NDUFAF2: variants seen among roughly 807,000 people sequenced by gnomAD.
NDUFAF2 encodes the protein NADH:ubiquinone oxidoreductase complex assembly factor 2.
A neutral mutation model predicts 22.8 loss-of-function variants in NDUFAF2; 13 were observed. The ratio of observed to expected loss-of-function variants is 0.57; its 90% CI spans 0.37 to 0.91. The LOEUF (loss-of-function observed/expected upper bound fraction) is 0.91. Ranked by LOEUF, NDUFAF2 falls within the 40% of genes least tolerant of loss-of-function variation. The probability of loss-of-function intolerance (pLI) is 0.01; values close to 1 mark genes in which losing one functional copy is unlikely to be tolerated. For missense variants in NDUFAF2, 162 were observed against 195.2 expected (o/e 0.83, Z 1.01); for synonymous variants, 53 against 64.2 (o/e 0.83, Z 0.84).
intron 1 of NDUFAF2, among the ~76,000 whole-genome samples, chr5:61,017,195 A>G (rs762009292): frequency 6.6e-6 from 1 of 152,240 alleles, no homozygotes; most frequent in Non-Finnish European, 1.5e-5. Context: ...TCCTAATAAG[A>G]TGATTTTGGA....
intron 3 of NDUFAF2, among the ~76,000 whole-genome samples, chr5:61,135,633 A>G (rs1427087570): frequency 1.3e-5 from 2 of 152,148 alleles, no homozygotes; most frequent in South Asian, 2.1e-4. Context: ...GAGCCCATCA[A>G]TCTGTGTTTT....
At chr5:61,008,610 G>A (rs527681175) in intron 1 of NDUFAF2, among the ~76,000 whole-genome samples, 1 of 152,194 alleles carries the variant, frequency 6.6e-6, no homozygotes, top group East Asian at 1.9e-4. Flanking sequence ...TGCATTGTGA[G>A]TAGTAAATGA....
chr5:61,138,962 G>A (rs970694216), intron 3 of NDUFAF2, among the ~76,000 whole-genome samples: 3 of 152,102 alleles, frequency 2.0e-5, no homozygotes, highest in African/African-American at 7.2e-5. Flanking sequence ...TGGAGCTTGG[G>A]GAGCAGTCAG....
At chr5:61,069,869 A>C (rs1464832866) in intron 1 of NDUFAF2, among the ~76,000 whole-genome samples, 1 of 152,136 alleles carries the variant, frequency 6.6e-6, no homozygotes, top group African/African-American at 2.4e-5. Context: ...CTCCTAAGGC[A>C]ATTAGCTCAA....
chr5:61,127,330 C>CA (rs897725115), intron 3 of NDUFAF2, among the ~76,000 whole-genome samples: 9 of 151,822 alleles, frequency 5.9e-5, no homozygotes, highest in African/African-American at 2.2e-4. Context: ...AGAGACAAAA[C>CA]AAAAAAAGAC....
At chr5:61,094,437 A>G (rs944752097) in intron 2 of NDUFAF2, among the ~76,000 whole-genome samples, 1 of 152,190 alleles carries the variant, frequency 6.6e-6, no homozygotes, top group East Asian at 1.9e-4. Flanking sequence ...AACATGCTCC[A>G]TTAGCTCAGT....
intron 1 of NDUFAF2, among the ~76,000 whole-genome samples, chr5:61,049,253 A>T (rs1250681235): frequency 6.6e-6 from 1 of 152,124 alleles, no homozygotes; most frequent in Non-Finnish European, 1.5e-5. Context: ...CTTACTTGGT[A>T]CAAAGAGTTT....
chr5:61,114,867 T>C (rs1056374346), intron 3 of NDUFAF2: 2 of 152,246 alleles, frequency 1.3e-5, no homozygotes, highest in African/African-American at 4.8e-5. Context: ...CAAAGGCTCT[T>C]GTTGTCTTCC....
intron 2 of NDUFAF2, among the ~76,000 whole-genome samples, chr5:61,081,262 A>G (rs1752438775): frequency 6.6e-6 from 1 of 152,162 alleles, no homozygotes; most frequent in Non-Finnish European, 1.5e-5. Context: ...TGAGTCTGCC[A>G]ACTTCTTTCC....
At chr5:60,988,517 G>A (rs767443572) in intron 1 of NDUFAF2, among the ~76,000 whole-genome samples, 1 of 152,050 alleles carries the variant, frequency 6.6e-6, no homozygotes, top group African/African-American at 2.4e-5. Flanking sequence ...AATGTTACCC[G>A]ACTTCAAACT....
At chr5:60,961,588 C>G (rs1267440635) in intron 1 of NDUFAF2, among the ~76,000 whole-genome samples, 1 of 124,590 alleles carries the variant, frequency 8.0e-6, no homozygotes, top group Non-Finnish European at 1.6e-5. Flanking sequence ...GAGCAAGACT[C>G]TGTCTCAAAA....
intron 1 of NDUFAF2, among the ~76,000 whole-genome samples, chr5:61,040,614 AGAG>A (rs762896095): frequency 2.6e-5 from 4 of 151,984 alleles, no homozygotes; most frequent in South Asian, 2.1e-4. Flanking sequence ...GAAGTACTTG[AGAG>A]GAGAACTGTG....
At chr5:60,986,041 G>C (rs935717545) in intron 1 of NDUFAF2, among the ~76,000 whole-genome samples, 2 of 152,248 alleles carry the variant, frequency 1.3e-5, no homozygotes, top group African/African-American at 2.4e-5. Context: ...GTACCATGCT[G>C]ATGGGATTGT....
At chr5:61,112,510 C>A (rs1752857389) in intron 3 of NDUFAF2, among the ~76,000 whole-genome samples, 1 of 152,142 alleles carries the variant, frequency 6.6e-6, no homozygotes, top group Non-Finnish European at 1.5e-5. Flanking sequence ...CTGCACCCAG[C>A]CCTTTATCTC....
intron 1 of NDUFAF2, among the ~76,000 whole-genome samples, chr5:61,065,595 A>G (rs996383395): frequency 1.3e-5 from 2 of 152,114 alleles, no homozygotes; most frequent in African/African-American, 4.8e-5. Context: ...GATAAAAACT[A>G]CATGATCATC....
At chr5:61,011,500 C>T (rs544130557) in intron 1 of NDUFAF2, among the ~76,000 whole-genome samples, 1 of 152,130 alleles carries the variant, frequency 6.6e-6, no homozygotes, top group South Asian at 2.1e-4. Context: ...TGTTTAGTGC[C>T]AGGGAGATTA....
At chr5:61,137,634 A>G (rs1740983443) in intron 3 of NDUFAF2, among the ~76,000 whole-genome samples, 1 of 152,254 alleles carries the variant, frequency 6.6e-6, no homozygotes, top group African/African-American at 2.4e-5. Flanking sequence ...AGTGAAATAC[A>G]GTGTGTTTAA....
In NDUFAF2 at chr5:61,020,011, A is replaced by T. The variant is rs192697912; in HGVS notation, c.128-53114A>T. On this transcript the variant is annotated intron_variant, in intron 1 of 3. Coordinates refer to ENST00000296597, the MANE Select transcript of NDUFAF2 (RefSeq NM_174889.5). ...TCTTTAATAGTAGCAGATTCTATTT[A>T]GTTTCTCTAATTCTTCTTTGATCCA... Among the ~76,000 whole-genome samples the T allele has an allele frequency of 2.4e-3, 362 of 152,254 alleles. 2 individuals are homozygous for T. Among genetic ancestry groups the T allele is most frequent in the African/African-American group, 8.4e-3 (349 of 41,562 alleles).
Position 61,142,901 on chromosome 5 carries a change from C to T in NDUFAF2, c.259-9803C>T, listed in dbSNP as rs113641392. Among the ~76,000 whole-genome samples the T allele has an allele frequency of 7.3e-3, 1,105 of 152,114 alleles. 12 individuals carry two copies. Among genetic ancestry groups the T allele is most frequent in the African/African-American group, 0.025 (1,031 of 41,508 alleles). On this transcript the variant is annotated intron_variant, in intron 3 of 3. Coordinates refer to ENST00000296597, the MANE Select transcript of NDUFAF2 (RefSeq NM_174889.5). The stretch of plus-strand genomic sequence containing the variant: ...CCTCCCTCTTTTTTCTTCTTTCTTT[C>T]GTAGATGAAAAAGGGTGATCTAATA...
Sources: allele counts gnomAD v4.1 joint callset (sites outside exome capture counted in the v4.1 genomes callset), GRCh38; gene constraint gnomAD v4.1.1; transcripts MANE v1.5; gene names NCBI Gene and HGNC (gene_info 2026-07-23, HGNC 2026-07-21).